CDK14: variants seen among roughly 807,000 people sequenced by gnomAD.
CDK14 encodes the protein cyclin dependent kinase 14.
Under a neutral mutation model 60.7 loss-of-function variants are expected in CDK14, and 34 were observed. That is an observed-to-expected ratio of 0.56 (90% CI 0.43 to 0.75). The LOEUF (loss-of-function observed/expected upper bound fraction) is 0.75, where lower values mean the gene tolerates loss of function less well. CDK14 is among the 30% of genes least tolerant of loss of function. The pLI is 0.00. For missense variants in CDK14, 482 were observed against 564.1 expected (o/e 0.85, Z 1.47); for synonymous variants, 197 against 203.7 (o/e 0.97, Z 0.28).
At chr7:91,041,191 T>TTA (rs1797080878) in intron 10 of CDK14, among the ~76,000 whole-genome samples, 1 of 150,648 alleles carries the variant, frequency 6.6e-6, no homozygotes, top group African/African-American at 2.4e-5. Flanking sequence ...TTTTTTTTTT[T>TTA]AACAGATGTT....
At chr7:90,931,603 A>G (rs1793592869) in intron 8 of CDK14, among the ~76,000 whole-genome samples, 1 of 152,216 alleles carries the variant, frequency 6.6e-6, no homozygotes, top group Non-Finnish European at 1.5e-5. Context: ...TGATGGGGGA[A>G]GGAAGGGATA....
At chr7:90,936,590 G>C (rs1463109705) in intron 8 of CDK14, among the ~76,000 whole-genome samples, 1 of 152,128 alleles carries the variant, frequency 6.6e-6, no homozygotes, top group African/African-American at 2.4e-5. Flanking sequence ...GTTCAGCCTT[G>C]TTAAATATCA....
At chr7:90,704,210 T>C (rs1196499144) in intron 2 of CDK14, among the ~76,000 whole-genome samples, 2 of 152,238 alleles carry the variant, frequency 1.3e-5, no homozygotes, top group Non-Finnish European at 2.9e-5. Context: ...TTGTCAACTT[T>C]ACACGCTGCT....
At chr7:90,612,837 A>G (rs1584741244) in intron 2 of CDK14, among the ~76,000 whole-genome samples, 1 of 151,696 alleles carries the variant, frequency 6.6e-6, no homozygotes, top group African/African-American at 2.4e-5. Context: ...CACTGTGGTC[A>G]TATCTGCCAG....
At position 90,815,185 on chromosome 7, in the gene CDK14, C is replaced by A. The variant is rs188760551; in HGVS notation, c.544+24533C>A. Among the ~76,000 whole-genome samples, 420 of 152,198 alleles carry A rather than the reference C, an allele frequency of 2.8e-3. 1 individual carries two copies. The highest frequency in any genetic ancestry group is 6.3e-3 in the Admixed American group (96 of 15,282). ...TATGTTCTAAGGGTTGTGGTGTGAA[C>A]CAAGCACTGACTAGTAATATCCAAA... is the stretch of plus-strand genomic sequence containing the variant. On this transcript the variant is annotated intron_variant, in intron 5 of 14. Coordinates refer to ENST00000380050, the MANE Select transcript of CDK14 (RefSeq NM_001287135.2).
chr7:91,047,919 G>A (rs1414334777), intron 11 of CDK14, among the ~76,000 whole-genome samples: 1 of 152,078 alleles, frequency 6.6e-6, no homozygotes, highest in Non-Finnish European at 1.5e-5. Flanking sequence ...TCATAGTCCT[G>A]GGGAAGAAAA....
intron 11 of CDK14, 36 bp from the exon 12 acceptor site, chr7:91,079,396 A>G (rs1283130023): frequency 4.3e-6 from 6 of 1,395,278 alleles, no homozygotes; most frequent in South Asian, 2.5e-5. Context: ...TACATTTGAT[A>G]CAAAGATTGT....
At chr7:91,196,211 G>T (rs547668839) in intron 14 of CDK14, among the ~76,000 whole-genome samples, 1 of 152,314 alleles carries the variant, frequency 6.6e-6, no homozygotes, top group South Asian at 2.1e-4. Flanking sequence ...AAAGAGAGTA[G>T]AATAGTCCTG....
At chr7:91,062,974 A>C (rs543704336) in intron 11 of CDK14, among the ~76,000 whole-genome samples, 1 of 152,330 alleles carries the variant, frequency 6.6e-6, no homozygotes, top group East Asian at 1.9e-4. Flanking sequence ...GCAGGGCACA[A>C]AAGAGCAGAC....
intron 13 of CDK14, among the ~76,000 whole-genome samples, chr7:91,114,507 A>G (rs1422784402): frequency 6.6e-6 from 1 of 152,170 alleles, no homozygotes; most frequent in Non-Finnish European, 1.5e-5. Flanking sequence ...CAGATTAAGA[A>G]TTTTGGCTGC....
intron 6 of CDK14, among the ~76,000 whole-genome samples, chr7:90,865,942 T>A (rs923252358): frequency 1.3e-5 from 2 of 152,174 alleles, no homozygotes; most frequent in African/African-American, 4.8e-5. Context: ...TTTATTTTTA[T>A]CAATTTTAGT....
intron 11 of CDK14, among the ~76,000 whole-genome samples, chr7:91,051,665 A>G (rs1024919063): frequency 6.6e-6 from 1 of 152,236 alleles, no homozygotes; most frequent in South Asian, 2.1e-4. Flanking sequence ...GCTCTAACAC[A>G]AAGTGAGAGT....
intron 3 of CDK14, among the ~76,000 whole-genome samples, chr7:90,730,910 A>G (rs1013429846): frequency 1.5e-5 from 2 of 133,898 alleles, no homozygotes; most frequent in African/African-American, 2.7e-5. Flanking sequence ...TTGGTGTTTT[A>G]GTCATGAAGT....
chr7:90,851,077 C>G (rs570557251), intron 5 of CDK14, among the ~76,000 whole-genome samples: 2 of 152,114 alleles, frequency 1.3e-5, no homozygotes, highest in Non-Finnish European at 2.9e-5. Context: ...AAAACTAAGA[C>G]AAAAGGAAAA....
chr7:90,732,344 G>T (rs1802902074), intron 3 of CDK14, among the ~76,000 whole-genome samples: 1 of 152,172 alleles, frequency 6.6e-6, no homozygotes, highest in African/African-American at 2.4e-5. Flanking sequence ...TCAGGATGAT[G>T]CTGGCATCAT....
At chr7:90,884,780 A>G (rs552440111) in intron 6 of CDK14, among the ~76,000 whole-genome samples, 1 of 152,236 alleles carries the variant, frequency 6.6e-6, no homozygotes, top group South Asian at 2.1e-4. Context: ...AAATATCACC[A>G]CACATCTGCA....
At chr7:90,991,950 G>T (rs974148467) in intron 10 of CDK14, among the ~76,000 whole-genome samples, 1 of 152,172 alleles carries the variant, frequency 6.6e-6, no homozygotes, top group Non-Finnish European at 1.5e-5. Context: ...ACATCTTAAG[G>T]TCCTCCCTGG....
At chr7:90,638,902 C>T (rs1039686995) in intron 2 of CDK14, among the ~76,000 whole-genome samples, 2 of 151,864 alleles carry the variant, frequency 1.3e-5, no homozygotes, top group South Asian at 2.1e-4. Context: ...CACTGGTACC[C>T]TTTCTTCCAG....
At chr7:90,993,553 T>A (rs1480041726) in intron 10 of CDK14, among the ~76,000 whole-genome samples, 1 of 151,912 alleles carries the variant, frequency 6.6e-6, no homozygotes, top group African/African-American at 2.4e-5. Context: ...TTTCAATAAA[T>A]GTTTTAGAGG....
Sources: allele counts gnomAD v4.1 joint callset (sites outside exome capture counted in the v4.1 genomes callset), GRCh38; gene constraint gnomAD v4.1.1; transcripts MANE v1.5; gene names NCBI Gene and HGNC (gene_info 2026-07-23, HGNC 2026-07-21).